ZFPM2: variants seen among roughly 807,000 people sequenced by gnomAD.
ZFPM2 encodes the protein zinc finger protein ZFPM2.
ZFPM2 carries 20 observed loss-of-function variants against 98.6 expected under a neutral mutation model. That is an observed-to-expected ratio of 0.20 (90% CI 0.14 to 0.29). ZFPM2 has a LOEUF of 0.29. ZFPM2 is among the 10% of genes least tolerant of loss of function. The pLI is 1.00. For missense variants in ZFPM2, 1,310 were observed against 1,388.6 expected (o/e 0.94, Z 0.90); for synonymous variants, 518 against 502.7 (o/e 1.03, Z -0.41).
chr8:105,618,742 C>T (rs1225791887), intron 4 of ZFPM2, among the ~76,000 whole-genome samples: 8 of 151,992 alleles, frequency 5.3e-5, no homozygotes, highest in Non-Finnish European at 1.0e-4. Flanking sequence ...ATGCAGAGTA[C>T]TTAAGTAACT....
At chr8:105,443,319 C>CAA (rs1466026465) in intron 2 of ZFPM2, among the ~76,000 whole-genome samples, 1 of 124,836 alleles carries the variant, frequency 8.0e-6, no homozygotes, top group Non-Finnish European at 1.6e-5. Context: ...TCTCAAAAAA[C>CAA]AAAAAACAAA....
At chr8:105,420,929 T>C (rs910077243) in intron 2 of ZFPM2, among the ~76,000 whole-genome samples, 3 of 152,300 alleles carry the variant, frequency 2.0e-5, no homozygotes, top group Admixed American at 6.5e-5. Flanking sequence ...TAGGTACTAC[T>C]GTATGAATTG....
intron 1 of ZFPM2, among the ~76,000 whole-genome samples, chr8:105,355,074 ACT>A (rs2129730042): frequency 6.6e-6 from 1 of 152,290 alleles, no homozygotes; most frequent in African/African-American, 2.4e-5. Context: ...AAAAATTGAC[ACT>A]GTTTTTTAAC....
At chr8:105,368,371 C>G (rs2129798786) in intron 1 of ZFPM2, among the ~76,000 whole-genome samples, 1 of 152,184 alleles carries the variant, frequency 6.6e-6, no homozygotes. Context: ...TACTATTGAT[C>G]TTATCTCAGA....
chr8:105,629,321 A>C (rs1816715859), intron 4 of ZFPM2, among the ~76,000 whole-genome samples: 1 of 152,246 alleles, frequency 6.6e-6, no homozygotes, highest in Admixed American at 6.5e-5. Context: ...ATCCTGCTTC[A>C]TAATGACTTA....
intron 4 of ZFPM2, among the ~76,000 whole-genome samples, chr8:105,566,633 T>G (rs1267035775): frequency 6.6e-6 from 1 of 152,130 alleles, no homozygotes; most frequent in Non-Finnish European, 1.5e-5. Flanking sequence ...ACTTGGAAGG[T>G]TGGGTGTCTG....
intron 1 of ZFPM2, among the ~76,000 whole-genome samples, chr8:105,410,181 G>A (rs546787601): frequency 3.4e-4 from 51 of 151,872 alleles, no homozygotes; most frequent in African/African-American, 1.0e-3. Context: ...ACTAAAACCC[G>A]ATGCTAAATT....
At chr8:105,456,739 C>T (rs1420312891) in intron 3 of ZFPM2, among the ~76,000 whole-genome samples, 2 of 152,124 alleles carry the variant, frequency 1.3e-5, no homozygotes, top group South Asian at 2.1e-4. Flanking sequence ...GTGGCATGAT[C>T]TCGGCTCACT....
At chr8:105,744,468 A>C (rs576327543) in intron 5 of ZFPM2, among the ~76,000 whole-genome samples, 2 of 152,258 alleles carry the variant, frequency 1.3e-5, no homozygotes, top group Non-Finnish European at 2.9e-5. Context: ...AAATAGAATT[A>C]AATCCCTGTT....
chr8:105,523,259 A>G (rs1273667377), intron 3 of ZFPM2, among the ~76,000 whole-genome samples: 1 of 152,220 alleles, frequency 6.6e-6, no homozygotes, highest in Non-Finnish European at 1.5e-5. Flanking sequence ...AAAAGCTAAT[A>G]AAACTTTTAC....
intron 1 of ZFPM2, among the ~76,000 whole-genome samples, chr8:105,408,833 A>T (rs1811519637): frequency 6.6e-6 from 1 of 151,858 alleles, no homozygotes; most frequent in Admixed American, 6.6e-5. Context: ...TGAAAAATGG[A>T]ACAGATTTCT....
chr8:105,681,057 T>C (rs1810588741), intron 5 of ZFPM2, among the ~76,000 whole-genome samples: 1 of 152,196 alleles, frequency 6.6e-6, no homozygotes. Context: ...GGTGTGAAAA[T>C]ATAATTTGCA....
At chr8:105,319,945 G>A (rs1410523513) in intron 1 of ZFPM2, among the ~76,000 whole-genome samples, 1 of 152,148 alleles carries the variant, frequency 6.6e-6, no homozygotes, top group Non-Finnish European at 1.5e-5. Flanking sequence ...TTATAGGCCT[G>A]CGACATATCT....
intron 5 of ZFPM2, among the ~76,000 whole-genome samples, chr8:105,644,656 A>AT (rs1275198957): frequency 6.6e-6 from 1 of 152,038 alleles, no homozygotes; most frequent in African/African-American, 2.4e-5. Flanking sequence ...TAAACAATAA[A>AT]TATTTATTTC....
chr8:105,399,402 G>A (rs1249924459), intron 1 of ZFPM2, among the ~76,000 whole-genome samples: 6 of 152,164 alleles, frequency 3.9e-5, no homozygotes, highest in Admixed American at 1.3e-4. Flanking sequence ...GTTATGTTTC[G>A]GAGGTAGAGC....
intron 6 of ZFPM2, among the ~76,000 whole-genome samples, chr8:105,795,295 C>T (rs1813763672): frequency 7.5e-6 from 1 of 132,890 alleles, no homozygotes; most frequent in Admixed American, 7.6e-5. Context: ...GTCAATTGTC[C>T]TGGGAGTGTA....
intron 1 of ZFPM2, among the ~76,000 whole-genome samples, chr8:105,351,665 G>C (rs1275031544): frequency 6.6e-6 from 1 of 151,930 alleles, no homozygotes; most frequent in African/African-American, 2.4e-5. Context: ...GACTAAATTT[G>C]GTTTACAGAT....
At chr8:105,663,306 G>T (rs1817428032) in intron 5 of ZFPM2, among the ~76,000 whole-genome samples, 1 of 152,152 alleles carries the variant, frequency 6.6e-6, no homozygotes, top group Admixed American at 6.5e-5. Context: ...ATTAACTTGT[G>T]ATTGGGATGT....
At chr8:105,767,026 G>A (rs988808233) in intron 5 of ZFPM2, among the ~76,000 whole-genome samples, 8 of 151,938 alleles carry the variant, frequency 5.3e-5, no homozygotes, top group Middle Eastern at 3.4e-3. Context: ...GAGACTTGGC[G>A]TCTATTGCTA....
Sources: allele counts gnomAD v4.1 joint callset (sites outside exome capture counted in the v4.1 genomes callset), GRCh38; gene constraint gnomAD v4.1.1; transcripts MANE v1.5; gene names NCBI Gene and HGNC (gene_info 2026-07-23, HGNC 2026-07-21).